The following ATAD2B variants were observed in gnomAD, a reference collection of about 807,000 sequenced individuals.
ATAD2B encodes ATPase family AAA domain-containing protein 2B.
A neutral mutation model predicts 167.6 loss-of-function variants in ATAD2B; 40 were observed. The ratio of observed to expected loss-of-function variants is 0.24; its 90% CI spans 0.19 to 0.31. The LOEUF (loss-of-function observed/expected upper bound fraction) is 0.31, where lower values mean the gene tolerates loss of function less well. Among genes scored for constraint, ATAD2B ranks in the 10% least tolerant of loss-of-function variants. The probability of loss-of-function intolerance (pLI) is 1.00; values close to 1 mark genes in which losing one functional copy is unlikely to be tolerated. For missense variants in ATAD2B, 1,242 were observed against 1,757.2 expected, an observed-to-expected ratio of 0.71 and a Z score of 5.24; for synonymous variants, 579 against 596.5, an observed-to-expected ratio of 0.97 and a Z score of 0.43.
At chr2:23,703,805 C>A in the ATAD2B span, 1 of 1,537,514 alleles carries the variant, frequency 6.5e-7, no homozygotes, top group Non-Finnish European at 8.7e-7. Context: ...CATCTACGAC[C>A]CTGAGAAAGG....
chr2:23,811,981 C>T (rs1352122722), intron 17 of ATAD2B, among the ~76,000 whole-genome samples: 5 of 151,918 alleles, frequency 3.3e-5, no homozygotes, highest in Non-Finnish European at 7.4e-5. Context: ...ATATGTTAAA[C>T]CAAACTTGAC....
chr2:23,907,081 C>G (rs1317243231), intron 1 of ATAD2B, among the ~76,000 whole-genome samples: 2 of 151,266 alleles, frequency 1.3e-5, no homozygotes, highest in African/African-American at 4.9e-5. Context: ...CCTCTCTCAC[C>G]ACTCCTATTC....
At chr2:23,841,710 C>A (rs1429977246) in intron 13 of ATAD2B, among the ~76,000 whole-genome samples, 1 of 152,030 alleles carries the variant, frequency 6.6e-6, no homozygotes, top group Non-Finnish European at 1.5e-5. Flanking sequence ...GACACAGCAT[C>A]TAGTTATGTT....
At chr2:23,899,560 A>G (rs1700548664) in intron 1 of ATAD2B, among the ~76,000 whole-genome samples, 1 of 151,920 alleles carries the variant, frequency 6.6e-6, no homozygotes, top group African/African-American at 2.4e-5. Flanking sequence ...ACTATACTCA[A>G]ATGAGTGTTT....
chr2:23,803,400 T>C (rs1228964099), intron 18 of ATAD2B, among the ~76,000 whole-genome samples: 2 of 152,184 alleles, frequency 1.3e-5, no homozygotes, highest in African/African-American at 4.8e-5. Context: ...GCTAAAGTAC[T>C]ATAGCTCAAA....
intron 25 of ATAD2B, among the ~76,000 whole-genome samples, chr2:23,756,365 T>G (rs1397312906): frequency 6.6e-6 from 1 of 151,884 alleles, no homozygotes; most frequent in Non-Finnish European, 1.5e-5. Flanking sequence ...GCTTCCTAAC[T>G]CTGCTAAAGG....
In ATAD2B at chr2:23,822,948, G is replaced by A. The variant is rs117404651; in HGVS notation, c.2131+310C>T. 1.4e-3 allele frequency among the ~76,000 whole-genome samples: 192 copies of A among 136,340 alleles called. No individual in the cohort carries two copies. The East Asian group carries it at 0.032, about 23-fold the overall frequency. The allele number at this position is 136,340 out of a possible 152,430, so 89.4% of individuals were successfully genotyped here. ...AAAAAAAAAAAAAAAAAAAGGATTA[G>A]TAAGTGATGATTTAGGGGCTTTAAA... is the stretch of plus-strand genomic sequence containing the variant. On this transcript the variant is annotated intron_variant, in intron 16 of 27. Coordinates refer to ENST00000238789, the MANE Select transcript of ATAD2B (RefSeq NM_017552.4).
At chr2:23,923,750 G>A (rs1296899403) in intron 1 of ATAD2B, among the ~76,000 whole-genome samples, 1 of 151,930 alleles carries the variant, frequency 6.6e-6, no homozygotes, top group East Asian at 1.9e-4. Context: ...TATACTACTT[G>A]GGAAAAAGAC....
chr2:23,897,612 A>G (rs899728004), intron 1 of ATAD2B, among the ~76,000 whole-genome samples: 1 of 152,154 alleles, frequency 6.6e-6, no homozygotes, highest in Non-Finnish European at 1.5e-5. Flanking sequence ...TTTATTCTAC[A>G]AATTATAATT....
At chr2:23,730,174 C>T in the ATAD2B span, among the ~76,000 whole-genome samples, 1 of 151,940 alleles carries the variant, frequency 6.6e-6, no homozygotes, top group African/African-American at 2.4e-5. Context: ...CAAAACAAAC[C>T]AGAATAAATT....
At chr2:23,918,412 A>G (rs913170690) in intron 1 of ATAD2B, among the ~76,000 whole-genome samples, 3 of 152,000 alleles carry the variant, frequency 2.0e-5, no homozygotes, top group African/African-American at 7.2e-5. Context: ...CTATGTACCC[A>G]CAAAAAAAAT....
intron 1 of ATAD2B, among the ~76,000 whole-genome samples, chr2:23,908,147 A>C (rs1701758853): frequency 6.6e-6 from 1 of 152,172 alleles, no homozygotes; most frequent in Non-Finnish European, 1.5e-5. Flanking sequence ...AATGGGATCT[A>C]ATTAAACTAA....
chr2:23,900,486 A>G (rs1020402809), intron 1 of ATAD2B, among the ~76,000 whole-genome samples: 5 of 152,182 alleles, frequency 3.3e-5, no homozygotes, highest in Non-Finnish European at 2.9e-5. Flanking sequence ...CTTTACTCCA[A>G]TTCTGGTCTG....
intron 1 of ATAD2B, among the ~76,000 whole-genome samples, 174 bp downstream of exon 1, chr2:23,926,381 G>A (rs959598310): frequency 6.6e-6 from 1 of 152,148 alleles, no homozygotes; most frequent in African/African-American, 2.4e-5. Flanking sequence ...AAAGCAAAGG[G>A]GCCAGCGTCG....
rs754978559 is a variant in ATAD2B at position 23,801,191 on chromosome 2, G to C, written c.2455-2868C>G. Among the ~76,000 whole-genome samples, 7 of 151,948 alleles carry C rather than the reference G, an allele frequency of 4.6e-5. No individual in the cohort carries two copies. The East Asian group carries it at 1.3e-3, about 29-fold the overall frequency. On this transcript the variant is annotated intron_variant, in intron 18 of 27. Coordinates refer to ENST00000238789, the MANE Select transcript of ATAD2B (RefSeq NM_017552.4). Reference sequence around the variant, plus strand: ...TAAAAATTCAAAAAGAACAGAGTTTGAGAATAGCATTTAAAAATTCTTATA... The same window carrying C: ...TAAAAATTCAAAAAGAACAGAGTTTCAGAATAGCATTTAAAAATTCTTATA...
intron 6 of ATAD2B, among the ~76,000 whole-genome samples, chr2:23,884,016 C>T (rs1032541041): frequency 4.6e-5 from 7 of 152,114 alleles, no homozygotes; most frequent in East Asian, 1.9e-4. Context: ...TGGTGGTGCA[C>T]GCCTGTAATA....
chr2:23,769,772 G>C (rs1199948047), intron 22 of ATAD2B, among the ~76,000 whole-genome samples: 1 of 143,450 alleles, frequency 7.0e-6, no homozygotes, highest in East Asian at 2.1e-4. Flanking sequence ...CTGGAGTGCA[G>C]TGGCATAATC....
rs1558822152 is a variant in ATAD2B, at chr2:23,926,749, A to C, written c.22T>G (p.Ser8Ala). Reference sequence around the variant, plus strand: ...GACTTGGACCCGAGAAGGCGGAGAGAGCTCTTCCGGGTGTTCACCATGGTC... The same window carrying C: ...GACTTGGACCCGAGAAGGCGGAGAGCGCTCTTCCGGGTGTTCACCATGGTC... MVNTRKS[S>A]LRLLGSKSPG... The change falls in exon 1 of 28, where the codon TCT (serine) becomes GCT (alanine). Residue 8 changes from serine to alanine, a missense_variant. Physicochemically the swap from Ser to Ala is moderately conservative, Grantham distance 99. Around this residue, in one of 9 missense-constraint regions of ATAD2B, gnomAD observed 199 missense variants for 194.9 expected, o/e 1.02. Coordinates refer to ENST00000238789, the MANE Select transcript of ATAD2B (RefSeq NM_017552.4). 4 of 1,546,148 alleles carry C rather than the reference A, an allele frequency of 2.6e-6. No homozygotes were observed. The highest frequency in any genetic ancestry group is 3.5e-6 in the Non-Finnish European group (4 of 1,145,448).
chr2:23,818,123 T>TACAC (rs112996560), intron 17 of ATAD2B, among the ~76,000 whole-genome samples: 36 of 101,716 alleles, frequency 3.5e-4, no homozygotes, highest in African/African-American at 6.4e-4. Flanking sequence ...ACACACACAT[T>TACAC]ACACACACAC....
Sources: gnomAD v4.1 joint callset for allele counts (sites outside exome capture counted in the v4.1 genomes callset) on GRCh38, gnomAD v4.1.1 for gene constraint, gnomAD v4.1.1 regional missense constraint, MANE v1.5 for transcripts, NCBI Gene and HGNC (gene_info 2026-07-23, HGNC 2026-07-21) for gene names.